GPC5: variants seen among roughly 807,000 people sequenced by gnomAD.
The protein encoded by GPC5 is glypican 5, also known as glypican-5.
In GPC5, 47 loss-of-function variants were observed where a neutral mutation model predicts 53.9. The observed-to-expected ratio is 0.87, with a 90% CI of 0.69 to 1.11. The LOEUF (loss-of-function observed/expected upper bound fraction) is 1.11, where lower values mean the gene tolerates loss of function less well. GPC5 is among the 50% of genes most tolerant of loss of function. The pLI is 0.00. For missense variants in GPC5, 748 were observed against 713.1 expected, an observed-to-expected ratio of 1.05 and a Z score of -0.56; for synonymous variants, 286 against 263.3, an observed-to-expected ratio of 1.09 and a Z score of -0.84.
chr13:92,459,953 A>G (rs1338685258), intron 7 of GPC5, among the ~76,000 whole-genome samples: 1 of 152,124 alleles, frequency 6.6e-6, no homozygotes, highest in Non-Finnish European at 1.5e-5. Flanking sequence ...TATGTTTAAA[A>G]TTTATCTTTG....
intron 7 of GPC5, among the ~76,000 whole-genome samples, chr13:92,549,597 C>T (rs1882237389): frequency 6.6e-6 from 1 of 151,952 alleles, no homozygotes; most frequent in South Asian, 2.1e-4. Context: ...TATGGATGGC[C>T]ATCATGCACT....
intron 7 of GPC5, among the ~76,000 whole-genome samples, chr13:92,191,824 C>T (rs185185853): frequency 5.9e-4 from 90 of 152,242 alleles, no homozygotes; most frequent in African/African-American, 2.0e-3. Context: ...TGGGATTGCA[C>T]GCTCATTGTA....
intron 4 of GPC5, among the ~76,000 whole-genome samples, chr13:91,751,602 A>G (rs1333174324): frequency 1.3e-5 from 2 of 152,210 alleles, no homozygotes; most frequent in Non-Finnish European, 2.9e-5. Flanking sequence ...AGGAGCATAC[A>G]TAAATTCTGC....
chr13:91,981,649 A>G (rs2040360797), intron 6 of GPC5, among the ~76,000 whole-genome samples: 1 of 152,200 alleles, frequency 6.6e-6, no homozygotes, highest in African/African-American at 2.4e-5. Context: ...TTATTTATTC[A>G]GGAAACACTT....
intron 5 of GPC5, among the ~76,000 whole-genome samples, chr13:91,793,715 A>G (rs2138754804): frequency 6.6e-6 from 1 of 152,288 alleles, no homozygotes; most frequent in South Asian, 2.1e-4. Context: ...CAGGAAACTT[A>G]CAATCATGGG....
chr13:92,243,995 A>G (rs548162023), intron 7 of GPC5, among the ~76,000 whole-genome samples: 1 of 152,292 alleles, frequency 6.6e-6, no homozygotes, highest in African/African-American at 2.4e-5. Context: ...AAACTATTTC[A>G]AAAGGCAAAG....
intron 5 of GPC5, among the ~76,000 whole-genome samples, chr13:91,777,657 G>T (rs472095): frequency 0.72 from 109,999 of 151,974 alleles, 40,062 homozygotes; most frequent in East Asian, 0.89. Flanking sequence ...ATTAAAAAAT[G>T]TCCTTGATGT....
intron 7 of GPC5, among the ~76,000 whole-genome samples, chr13:92,405,725 A>T (rs932013441): frequency 6.6e-6 from 1 of 152,220 alleles, no homozygotes; most frequent in Non-Finnish European, 1.5e-5. Flanking sequence ...CTAGCATTTA[A>T]AATCTCTAGA....
chr13:92,271,589 G>T (rs895512875), intron 7 of GPC5, among the ~76,000 whole-genome samples: 1 of 152,172 alleles, frequency 6.6e-6, no homozygotes, highest in Non-Finnish European at 1.5e-5. Flanking sequence ...GTTATAAGTT[G>T]TAATCCTCTA....
chr13:92,316,052 T>A (rs1256733765), intron 7 of GPC5, among the ~76,000 whole-genome samples: 1 of 152,182 alleles, frequency 6.6e-6, no homozygotes, highest in Non-Finnish European at 1.5e-5. Context: ...TAGAATTCGA[T>A]CAGAGGGTTT....
intron 7 of GPC5, among the ~76,000 whole-genome samples, chr13:92,295,160 T>C (rs2043026093): frequency 6.6e-6 from 1 of 152,094 alleles, no homozygotes; most frequent in Non-Finnish European, 1.5e-5. Flanking sequence ...CTTAGGGCTA[T>C]GAACTTTCCT....
In GPC5 at chr13:92,172,625, A is replaced by T. The variant is rs1413826212; in HGVS notation, c.1561+27636A>T. On this transcript the variant is annotated intron_variant, in intron 7 of 7. Transcript: ENST00000377067. ...CATTTTATGTCTCCCCTGTTCATCT[A>T]CTGCTTCTTTCATTTAACTTATGTG... Among the ~76,000 whole-genome samples the T allele has an allele frequency of 1.3e-4, 20 of 152,148 alleles. 1 individual carries two copies. The highest frequency in any genetic ancestry group is 8.5e-4 in the Admixed American group (13 of 15,272).
intron 7 of GPC5, among the ~76,000 whole-genome samples, chr13:92,372,671 T>C (rs180817605): frequency 9.6e-4 from 146 of 152,288 alleles, no homozygotes; most frequent in African/African-American, 3.1e-3. Flanking sequence ...GACCTTGATA[T>C]ATTTCTGTCC....
intron 7 of GPC5, among the ~76,000 whole-genome samples, chr13:92,297,854 C>T (rs921786243): frequency 1.3e-5 from 2 of 152,020 alleles, no homozygotes; most frequent in East Asian, 1.9e-4. Flanking sequence ...TTTGGGTCCA[C>T]GCTGCTTTTA....
rs573150220 is a variant in GPC5, at chr13:91,408,998, G to T, written c.163+9789G>T. On this transcript the variant is annotated intron_variant, in intron 1 of 7. Transcript: ENST00000377067. ...AAGAGTGTGTCTTCATTGATTAAAT[G>T]AGCATAAAAATTATTTCTGGATGTC... 2.8e-4 allele frequency among the ~76,000 whole-genome samples: 43 copies of T among 152,266 alleles called. No individual in the cohort carries two copies. In the South Asian group the frequency reaches 8.7e-3, roughly 31 times the overall value.
At position 91,682,385 on chromosome 13, in the gene GPC5, G is replaced by A. The variant is rs143651994; in HGVS notation, c.326-10802G>A. Among the ~76,000 whole-genome samples the A allele has an allele frequency of 7.1e-4, 108 of 152,174 alleles. 1 individual carries two copies. The highest frequency in any genetic ancestry group is 1.4e-3 in the Non-Finnish European group (95 of 67,998). ...GGTTTTTCAGCACATTCTACCTTTA[G>A]GCACTATGCAAGTAGGTACCATGTA... On this transcript the variant is annotated intron_variant, in intron 2 of 7. Transcript: ENST00000377067.
intron 7 of GPC5, among the ~76,000 whole-genome samples, chr13:92,624,189 C>T (rs548871181): frequency 3.3e-5 from 5 of 151,888 alleles, no homozygotes; most frequent in African/African-American, 4.8e-5. Flanking sequence ...CCTGCCTTGG[C>T]CCCCCTAGTA....
chr13:92,553,213 A>G (rs954218504), intron 7 of GPC5, among the ~76,000 whole-genome samples: 2 of 151,978 alleles, frequency 1.3e-5, no homozygotes, highest in East Asian at 3.9e-4. Flanking sequence ...AACCTGTTAG[A>G]TAATACTGAC....
At chr13:92,159,672 A>G (rs1000756035) in intron 7 of GPC5, among the ~76,000 whole-genome samples, 4 of 125,636 alleles carry the variant, frequency 3.2e-5, no homozygotes, top group African/African-American at 1.3e-4. Context: ...GCGCAATCTC[A>G]GTTCACTGCA....
Sources: gnomAD v4.1 joint callset for allele counts (sites outside exome capture counted in the v4.1 genomes callset) on GRCh38, gnomAD v4.1.1 for gene constraint, MANE v1.5 for transcripts, NCBI Gene and HGNC (gene_info 2026-07-23, HGNC 2026-07-21) for gene names.